Variants in HOOK3 observed in about 807,000 individuals in gnomAD.
HOOK3 encodes protein Hook homolog 3.
A neutral mutation model predicts 116.3 loss-of-function variants in HOOK3; 24 were observed. The observed-to-expected ratio is 0.21, with a 90% CI of 0.15 to 0.29. The LOEUF is 0.29. Ranked by LOEUF, HOOK3 falls within the 10% of genes least tolerant of loss-of-function variation. HOOK3 has a pLI of 1.00. For synonymous variants in HOOK3, 275 were observed against 283.0 expected (o/e 0.97, Z 0.28); for missense variants, 632 against 830.2 (o/e 0.76, Z 2.93).
chr8:43,004,678 CTAAAAAAAAAA>C (rs1163796969), intron 17 of HOOK3, among the ~76,000 whole-genome samples: 1 of 102,448 alleles, frequency 9.8e-6, no homozygotes, highest in African/African-American at 3.7e-5. Flanking sequence ...AAGACTCCAT[CTAAAAAAAAAA>C]AAAAAAAAAA....
intron 2 of HOOK3, among the ~76,000 whole-genome samples, chr8:42,924,220 G>A (rs1807718676): frequency 6.6e-6 from 1 of 152,028 alleles, no homozygotes; most frequent in Non-Finnish European, 1.5e-5. Flanking sequence ...GGTGTTCTGT[G>A]TGTGGCCTTA....
intron 12 of HOOK3, 91 bp from the exon 13 acceptor site, chr8:42,974,016 T>C: frequency 7.1e-6 from 6 of 850,332 alleles, no homozygotes; most frequent in Non-Finnish European, 1.2e-5. Context: ...TGTTCACTAT[T>C]GTTTATCATT....
intron 17 of HOOK3, among the ~76,000 whole-genome samples, chr8:43,006,178 G>A (rs1443617082): frequency 1.6e-4 from 23 of 146,598 alleles, no homozygotes; most frequent in Admixed American, 9.7e-4. Flanking sequence ...CCACCACCAC[G>A]CCCAGCTAAT....
chr8:43,008,085 T>A (rs1809527374), intron 18 of HOOK3, among the ~76,000 whole-genome samples, 156 bp downstream of exon 18: 2 of 151,920 alleles, frequency 1.3e-5, no homozygotes, highest in East Asian at 1.9e-4. Context: ...GTGGTGCGAT[T>A]TTGGCTCACT....
intron 2 of HOOK3, among the ~76,000 whole-genome samples, chr8:42,917,607 C>G (rs975393678): frequency 6.6e-6 from 1 of 152,054 alleles, no homozygotes; most frequent in African/African-American, 2.4e-5. Flanking sequence ...GGACAGAGAC[C>G]AAATATATTT....
At chr8:42,962,420 T>C (rs1418773337) in intron 8 of HOOK3, among the ~76,000 whole-genome samples, 1 of 150,694 alleles carries the variant, frequency 6.6e-6, no homozygotes, top group Non-Finnish European at 1.5e-5. Flanking sequence ...TTTTTTTTTT[T>C]TTTTGAAATA....
At chr8:42,975,844 TAC>T (rs1251921052) in intron 13 of HOOK3, among the ~76,000 whole-genome samples, 1 of 152,150 alleles carries the variant, frequency 6.6e-6, no homozygotes, top group Admixed American at 6.5e-5. Context: ...TAGCTGGGAC[TAC>T]AGGGGTGTGC....
chr8:43,024,651 A>G lies in HOOK3; in HGVS notation c.*6153A>G, dbSNP rs1283982017. The G allele has an allele frequency of 3.2e-5, 6 of 186,580 alleles. No homozygotes were observed. Among genetic ancestry groups the G allele is most frequent in the Non-Finnish European group, 6.8e-5 (6 of 88,346 alleles). 11.6% of individuals were successfully genotyped at this position (186,580 alleles called of 1,614,324 possible). ...CAATGTATCTGTCGTCTAATTTTTT[A>G]TTTTCTATCTATAAAGAATATTTAA... is the stretch of plus-strand genomic sequence containing the variant. On this transcript the variant is annotated 3_prime_UTR_variant, in exon 22 of 22. Coordinates refer to ENST00000307602, the MANE Select transcript of HOOK3 (RefSeq NM_032410.4).
intron 14 of HOOK3, among the ~76,000 whole-genome samples, chr8:42,983,608 T>G (rs1360389212): frequency 6.6e-6 from 1 of 152,090 alleles, no homozygotes; most frequent in African/African-American, 2.4e-5. Flanking sequence ...CTCAGCCTGC[T>G]TAGTAGTTGG....
intron 15 of HOOK3, chr8:42,994,387 G>A: frequency 2.6e-6 from 1 of 380,140 alleles, no homozygotes; most frequent in South Asian, 2.0e-5. Flanking sequence ...TTCATTCAGT[G>A]GCATCGTTAG....
Position 43,022,086 on chromosome 8 carries a change from A to G in HOOK3, c.*3588A>G, listed in dbSNP as rs1408642608. The G allele has an allele frequency of 1.0e-5, 1 of 97,302 alleles. No homozygotes were observed. Among genetic ancestry groups the G allele is most frequent in the Non-Finnish European group, 2.2e-5 (1 of 45,970 alleles). The allele number at this position is 97,302 out of a possible 1,614,324, so 6.0% of individuals were successfully genotyped here. On this transcript the variant is annotated 3_prime_UTR_variant, in exon 22 of 22. Coordinates refer to ENST00000307602, the MANE Select transcript of HOOK3 (RefSeq NM_032410.4). ...GTTTAAAAACAAAACAGGCTGTTGT[A>G]AAAAAAAAAAAAAAAAAAACTTCTG...
At chr8:42,928,352 G>C (rs574346670) in intron 3 of HOOK3, among the ~76,000 whole-genome samples, 101 of 152,002 alleles carry the variant, frequency 6.6e-4, no homozygotes, top group Admixed American at 3.1e-3. Flanking sequence ...CTGGGAGGCT[G>C]AGGCATGAGA....
At chr8:42,998,240 A>G (rs889733441) in intron 16 of HOOK3, 3 of 152,542 alleles carry the variant, frequency 2.0e-5, no homozygotes, top group Admixed American at 2.0e-4. Flanking sequence ...CAGGTAGCAC[A>G]TAGTCGTCTA....
At chr8:42,991,751 GT>G (rs992874527) in intron 15 of HOOK3, among the ~76,000 whole-genome samples, 10 of 147,912 alleles carry the variant, frequency 6.8e-5, no homozygotes, top group African/African-American at 1.2e-4. Context: ...CTTTGTTTTT[GT>G]TTTTTTTTTC....
At position 43,013,144 on chromosome 8, in the gene HOOK3, C is replaced by T. The variant is rs1182964506; in HGVS notation, c.1933C>T (p.His645Tyr). 1 of 1,604,646 alleles carries T rather than the reference C, an allele frequency of 6.2e-7. No individual in the cohort carries two copies. The highest frequency in any genetic ancestry group is 1.1e-5 in the South Asian group (1 of 90,548). ...NQLQERDRLF[H>Y]SLEKEYEKTK... The stretch of plus-strand genomic sequence containing the variant: ...GCTCCAGGAACGAGACCGACTGTTC[C>T]ACTCATTAGAGGTAGTTTACTATAC... The change falls in exon 20 of 22, where the codon CAC becomes TAC. Residue 645 changes from histidine (H) to tyrosine (Y), a missense_variant. Physicochemically the swap from His to Tyr is moderately conservative, Grantham distance 83 (BLOSUM62 2). Transcript: ENST00000307602.
At chr8:42,975,134 TGAG>T (rs1329442243) in intron 13 of HOOK3, among the ~76,000 whole-genome samples, 2 of 152,104 alleles carry the variant, frequency 1.3e-5, no homozygotes, top group Non-Finnish European at 2.9e-5. Context: ...GCCAGGCTCT[TGAG>T]GGGTTGCGGG....
intron 15 of HOOK3, among the ~76,000 whole-genome samples, chr8:42,990,547 C>T (rs542309719): frequency 4.6e-5 from 7 of 151,562 alleles, no homozygotes; most frequent in Non-Finnish European, 1.0e-4. Flanking sequence ...CGCCATGTTG[C>T]CCAGGCTAGT....
chr8:43,005,848 CA>C (rs1563312683), intron 17 of HOOK3, among the ~76,000 whole-genome samples: 1 of 150,032 alleles, frequency 6.7e-6, no homozygotes, highest in Non-Finnish European at 1.5e-5. Flanking sequence ...GGCCCCCCCC[CA>C]CCACACCCAG....
At chr8:43,016,621 T>C (rs1809723040) in intron 21 of HOOK3, among the ~76,000 whole-genome samples, 2 of 152,208 alleles carry the variant, frequency 1.3e-5, no homozygotes. Flanking sequence ...TAGACTGAGG[T>C]CTTTAACCTA....
Sources: gnomAD v4.1 joint callset for allele counts (sites outside exome capture counted in the v4.1 genomes callset) on GRCh38, gnomAD v4.1.1 for gene constraint, MANE v1.5 for transcripts, NCBI Gene and HGNC (gene_info 2026-07-23, HGNC 2026-07-21) for gene names.